MBNL2: variants seen among roughly 807,000 people sequenced by gnomAD.
MBNL2 encodes the protein muscleblind like splicing regulator 2, also known as muscleblind-like protein 2.
MBNL2 carries 17 observed loss-of-function variants against 41.9 expected under a neutral mutation model. The ratio of observed to expected loss-of-function variants is 0.41; its 90% CI spans 0.28 to 0.61. The LOEUF is 0.61. Ranked by LOEUF, MBNL2 falls within the 20% of genes least tolerant of loss-of-function variation. The pLI is 0.35. For synonymous variants in MBNL2, 195 were observed against 182.9 expected (o/e 1.07, Z -0.53); for missense variants, 336 against 505.6 (o/e 0.66, Z 3.22).
At chr13:97,251,641 C>T (rs2046527977) in intron 1 of MBNL2, among the ~76,000 whole-genome samples, 1 of 152,052 alleles carries the variant, frequency 6.6e-6, no homozygotes, top group African/African-American at 2.4e-5. Context: ...TGTCTATTAT[C>T]CATGAAAGAT....
chr13:97,266,583 T>A (rs1302631110), intron 1 of MBNL2, among the ~76,000 whole-genome samples: 2 of 152,252 alleles, frequency 1.3e-5, no homozygotes, highest in African/African-American at 4.8e-5. Flanking sequence ...GGCGTCTGCA[T>A]CTGATAGGCT....
chr13:97,312,437 C>G (rs1283409929), intron 2 of MBNL2, among the ~76,000 whole-genome samples: 2 of 152,102 alleles, frequency 1.3e-5, no homozygotes, highest in Non-Finnish European at 1.5e-5. Flanking sequence ...TCTCTCTATT[C>G]TAACATCCTC....
At chr13:97,158,357 C>T in the MBNL2 span, among the ~76,000 whole-genome samples, 1 of 151,830 alleles carries the variant, frequency 6.6e-6, no homozygotes, top group Non-Finnish European at 1.5e-5. Flanking sequence ...CTCCTGGATT[C>T]ATTAATTTTT....
At chr13:97,374,262 C>G (rs1443837811) in intron 8 of MBNL2, among the ~76,000 whole-genome samples, 1 of 151,674 alleles carries the variant, frequency 6.6e-6, no homozygotes, top group Non-Finnish European at 1.5e-5. Context: ...ATTCTCCTGC[C>G]TCAGCCTCCC....
chr13:97,279,781 T>C lies in MBNL2; in HGVS notation c.174+3372T>C, dbSNP rs574417981. Reference sequence around the variant, plus strand: ...TTATTTACAAATATGAGTAAACTTTTCCGTAAGTATGTACTAAATTTGTTG... The same window carrying C: ...TTATTTACAAATATGAGTAAACTTTCCCGTAAGTATGTACTAAATTTGTTG... On this transcript the variant is annotated intron_variant, in intron 2 of 8. Transcript: ENST00000679496. Among the ~76,000 whole-genome samples, 9 of 152,348 alleles carry C rather than the reference T, an allele frequency of 5.9e-5. No homozygotes were observed. The South Asian group carries it at 1.9e-3, about 32-fold the overall frequency.
At chr13:97,183,087 C>A in the MBNL2 span, among the ~76,000 whole-genome samples, 2 of 152,108 alleles carry the variant, frequency 1.3e-5, no homozygotes, top group Non-Finnish European at 2.9e-5. Context: ...GCATCAAAAT[C>A]AAAGGTTATG....
intron 2 of MBNL2, among the ~76,000 whole-genome samples, chr13:97,316,111 C>T (rs1211977641): frequency 1.3e-5 from 2 of 152,234 alleles, no homozygotes; most frequent in Admixed American, 6.5e-5. Context: ...GCTATTTCCC[C>T]CACATTTGCT....
chr13:97,361,786 TTGA>T (rs2063419938), intron 7 of MBNL2, among the ~76,000 whole-genome samples: 2 of 109,058 alleles, frequency 1.8e-5, no homozygotes, highest in African/African-American at 3.8e-5. Flanking sequence ...TTTTTTTTTT[TTGA>T]GACAGAGTCT....
rs755662384 is a variant in MBNL2, at chr13:97,257,417, CACTT to C, written c.-604-18212_-604-18209del. On this transcript the variant is annotated intron_variant, in intron 1 of 8. Coordinates refer to ENST00000679496, the MANE Select transcript of MBNL2 (RefSeq NM_001382683.1). ...ACTCAGCAGTATGCCTCTTAAAAAA[CACTT>C]ACAGGGAAATGGATATGTTTTTGAA... Among the ~76,000 whole-genome samples the C allele has an allele frequency of 3.3e-5, 5 of 152,174 alleles. No homozygotes were observed. In the South Asian group the frequency reaches 8.3e-4, roughly 25 times the overall value.
At chr13:97,178,563 G>A in the MBNL2 span, among the ~76,000 whole-genome samples, 61 of 152,272 alleles carry the variant, frequency 4.0e-4, no homozygotes, top group Admixed American at 1.1e-3. Context: ...TCATAGCAGA[G>A]AGAATCAATA....
At chr13:97,302,673 C>A (rs2057744495) in intron 2 of MBNL2, among the ~76,000 whole-genome samples, 1 of 152,152 alleles carries the variant, frequency 6.6e-6, no homozygotes, top group Non-Finnish European at 1.5e-5. Context: ...AATCCAAACA[C>A]AATGGGTGTA....
At chr13:97,289,202 A>G (rs962354684) in intron 2 of MBNL2, among the ~76,000 whole-genome samples, 5 of 152,252 alleles carry the variant, frequency 3.3e-5, no homozygotes, top group African/African-American at 9.6e-5. Flanking sequence ...CAATCTTAAT[A>G]TAAAAACTTA....
At chr13:97,210,222 G>A in the MBNL2 span, among the ~76,000 whole-genome samples, 2 of 152,204 alleles carry the variant, frequency 1.3e-5, no homozygotes, top group Non-Finnish European at 2.9e-5. Flanking sequence ...ATAACTCAGA[G>A]TATGTATCTA....
intron 1 of MBNL2, among the ~76,000 whole-genome samples, chr13:97,256,852 C>T (rs928883380): frequency 2.0e-5 from 3 of 152,146 alleles, no homozygotes; most frequent in Non-Finnish European, 2.9e-5. Context: ...GGCACACTTT[C>T]GTTAAATGCT....
At chr13:97,341,516 G>A (rs985963634) in intron 3 of MBNL2, among the ~76,000 whole-genome samples, 7 of 152,090 alleles carry the variant, frequency 4.6e-5, no homozygotes, top group African/African-American at 1.7e-4. Context: ...TGACAGTAGA[G>A]GAAGAAAAAA....
chr13:97,220,499 G>A (rs2040761742), upstream of MBNL2, among the ~76,000 whole-genome samples: 1 of 152,174 alleles, frequency 6.6e-6, no homozygotes, highest in East Asian at 1.9e-4. Flanking sequence ...GAAAACAGTG[G>A]AGAAAAAGTT....
the MBNL2 span, among the ~76,000 whole-genome samples, chr13:97,189,191 G>A: frequency 6.6e-6 from 1 of 152,040 alleles, no homozygotes; most frequent in Admixed American, 6.6e-5. Flanking sequence ...ACTGTTCCTG[G>A]CCATCTCCAC....
the MBNL2 span, among the ~76,000 whole-genome samples, chr13:97,187,125 GA>G: frequency 6.6e-6 from 1 of 152,136 alleles, no homozygotes; most frequent in Non-Finnish European, 1.5e-5. Context: ...TGAGTACTTA[GA>G]AAGTGCAGAT....
chr13:97,228,331 C>T (rs1277117975), intron 1 of MBNL2, among the ~76,000 whole-genome samples: 1 of 151,240 alleles, frequency 6.6e-6, no homozygotes, highest in Non-Finnish European at 1.5e-5. Flanking sequence ...TTCAGCTGAA[C>T]GAATGAAATT....
Sources: allele counts gnomAD v4.1 joint callset (sites outside exome capture counted in the v4.1 genomes callset), GRCh38; gene constraint gnomAD v4.1.1; transcripts MANE v1.5; gene names NCBI Gene and HGNC (gene_info 2026-07-23, HGNC 2026-07-21).